The following CLMP variants were observed in gnomAD, a reference collection of about 807,000 sequenced individuals.
The protein encoded by CLMP is CXADR like cell adhesion molecule, also known as CXADR-like membrane protein.
Under a neutral mutation model 45.2 loss-of-function variants are expected in CLMP, and 27 were observed. The ratio of observed to expected loss-of-function variants is 0.60; its 90% CI spans 0.44 to 0.82. The LOEUF (loss-of-function observed/expected upper bound fraction) is 0.82. CLMP is among the 40% of genes least tolerant of loss of function. The pLI, the probability that CLMP is intolerant of heterozygous loss-of-function variation, is 0.00. For synonymous variants in CLMP, 167 were observed against 171.4 expected (o/e 0.97, Z 0.20); for missense variants, 403 against 448.4 (o/e 0.90, Z 0.91).
At chr11:123,173,861 C>T (rs1038335884) in intron 1 of CLMP, among the ~76,000 whole-genome samples, 1 of 152,074 alleles carries the variant, frequency 6.6e-6, no homozygotes, top group Non-Finnish European at 1.5e-5. Flanking sequence ...GTGGGTGGAT[C>T]GCTTGAGCTC....
rs182404694 is a variant in CLMP, at chr11:123,121,163, G to A, written c.29-23211C>T. 1.7e-3 allele frequency among the ~76,000 whole-genome samples: 264 copies of A among 151,192 alleles called. 1 individual carries two copies. The highest frequency in any genetic ancestry group is 3.2e-3 in the Non-Finnish European group (215 of 67,894). Reference sequence around the variant, plus strand: ...AAAAAAAAAGCTGTTTGGATATGCTGAGAATGAGCAGGACTTGTACAGTGG... The same window carrying A: ...AAAAAAAAAGCTGTTTGGATATGCTAAGAATGAGCAGGACTTGTACAGTGG... On this transcript the variant is annotated intron_variant, in intron 1 of 6. Coordinates refer to ENST00000448775, the MANE Select transcript of CLMP (RefSeq NM_024769.5).
intron 1 of CLMP, among the ~76,000 whole-genome samples, chr11:123,132,074 T>C (rs929362432): frequency 2.6e-5 from 4 of 152,226 alleles, no homozygotes; most frequent in Admixed American, 6.5e-5. Flanking sequence ...AGGAAAGTAA[T>C]AATCTTTGCG....
intron 1 of CLMP, among the ~76,000 whole-genome samples, chr11:123,190,009 A>C (rs1861886639): frequency 1.3e-5 from 2 of 151,890 alleles, no homozygotes; most frequent in Non-Finnish European, 2.9e-5. Flanking sequence ...CTCAAAAAAA[A>C]AAAAAAAAAA....
intron 1 of CLMP, among the ~76,000 whole-genome samples, chr11:123,188,434 CTCCTCCTCT>C (rs1218555393): frequency 1.3e-5 from 2 of 149,210 alleles, no homozygotes; most frequent in African/African-American, 5.1e-5. Context: ...CCTCCTCTTC[CTCCTCCTCT>C]TCCTCCTCTT....
chr11:123,101,530 T>C (rs1866060149), intron 1 of CLMP, among the ~76,000 whole-genome samples: 1 of 152,252 alleles, frequency 6.6e-6, no homozygotes, highest in African/African-American at 2.4e-5. Context: ...TGAAGAAGAA[T>C]GGAGCAGGGG....
intron 1 of CLMP, among the ~76,000 whole-genome samples, chr11:123,184,300 G>A (rs1861805148): frequency 6.6e-6 from 1 of 152,092 alleles, no homozygotes. Context: ...TCACCATGTT[G>A]GCCAGGCTGG....
rs925481718 is a variant in CLMP, at chr11:123,195,075, G to A, written c.-135C>T. 5.6e-6 allele frequency: 4 copies of A among 711,954 alleles called. No individual in the cohort carries two copies. Among genetic ancestry groups the A allele is most frequent in the Non-Finnish European group, 7.8e-6 (4 of 511,440 alleles). 44.1% of individuals were successfully genotyped at this position (711,954 alleles called of 1,614,324 possible). A position where few individuals can be genotyped will look rare whatever the true frequency, so the allele number is the denominator to read the frequency against. On this transcript the variant is annotated 5_prime_UTR_variant, in exon 1 of 7. Transcript: ENST00000448775. ...CGCGAGGTGGCTGCAGCCATGTGCCGGGCGGGAGCCGGCCCCGCGCCCCGT... is the reference window on the plus strand; with the variant it reads ...CGCGAGGTGGCTGCAGCCATGTGCCAGGCGGGAGCCGGCCCCGCGCCCCGT...
intron 1 of CLMP, among the ~76,000 whole-genome samples, chr11:123,157,769 G>A (rs980665889): frequency 6.6e-6 from 1 of 150,402 alleles, no homozygotes; most frequent in Non-Finnish European, 1.5e-5. Context: ...GCCCAAAGTG[G>A]AGTTACCGGC....
chr11:123,139,849 A>G (rs976112575), intron 1 of CLMP, among the ~76,000 whole-genome samples: 4 of 151,352 alleles, frequency 2.6e-5, no homozygotes, highest in African/African-American at 9.8e-5. Flanking sequence ...ATAGAATAAA[A>G]TAAAATAAAA....
chr11:123,082,575 A>G (rs1565377295), intron 5 of CLMP, among the ~76,000 whole-genome samples: 1 of 150,888 alleles, frequency 6.6e-6, no homozygotes, highest in Non-Finnish European at 1.5e-5. Context: ...TGCTGGGATT[A>G]CAGGCATGAG....
In CLMP at chr11:123,071,979, T is replaced by G. The variant is rs912884581; in HGVS notation, c.*1495A>C. ...AAATCTTTCCAAGATACAACTAAAATGTTAGCAGGCACTAGCTCAGCCCTC... is the reference window on the plus strand; with the variant it reads ...AAATCTTTCCAAGATACAACTAAAAGGTTAGCAGGCACTAGCTCAGCCCTC... On this transcript the variant is annotated 3_prime_UTR_variant, in exon 7 of 7. Transcript: ENST00000448775. 2 of 152,268 alleles carry G rather than the reference T, an allele frequency of 1.3e-5. No homozygotes were observed. The highest frequency in any genetic ancestry group is 4.8e-5 in the African/African-American group (2 of 41,468). The allele number at this position is 152,268 out of a possible 1,614,324, so 9.4% of individuals were successfully genotyped here.
At chr11:123,178,846 C>T (rs137975436) in intron 1 of CLMP, among the ~76,000 whole-genome samples, 9 of 152,280 alleles carry the variant, frequency 5.9e-5, no homozygotes, top group South Asian at 2.1e-4. Flanking sequence ...CCTCAGTTTA[C>T]GTATTGGTAG....
At chr11:123,099,204 A>C (rs1866026027) in intron 1 of CLMP, among the ~76,000 whole-genome samples, 1 of 152,176 alleles carries the variant, frequency 6.6e-6, no homozygotes, top group Admixed American at 6.6e-5. Context: ...TGGAAACTGC[A>C]CTAAGTTGCC....
intron 1 of CLMP, among the ~76,000 whole-genome samples, chr11:123,118,995 T>G (rs373397649): frequency 1.1e-4 from 2 of 18,408 alleles, no homozygotes; most frequent in African/African-American, 2.2e-4. Flanking sequence ...CTTTCTTTCT[T>G]TCTTTCTCTC....
intron 1 of CLMP, among the ~76,000 whole-genome samples, chr11:123,098,164 T>C (rs1176991545): frequency 6.6e-6 from 1 of 152,160 alleles, no homozygotes; most frequent in Non-Finnish European, 1.5e-5. Context: ...CACCCCAAAT[T>C]ACATCCTACT....
intron 1 of CLMP, among the ~76,000 whole-genome samples, chr11:123,107,018 CAA>C (rs1244006146): frequency 2.4e-5 from 3 of 126,684 alleles, no homozygotes; most frequent in African/African-American, 2.9e-5. Flanking sequence ...GACTCCGTCT[CAA>C]AAAAAAAAAA....
At chr11:123,181,159 A>G (rs938922305) in intron 1 of CLMP, among the ~76,000 whole-genome samples, 1 of 152,204 alleles carries the variant, frequency 6.6e-6, no homozygotes, top group Admixed American at 6.5e-5. Context: ...CTTCCAGTCT[A>G]TCTTCCAGCA....
At position 123,071,138 on chromosome 11, in the gene CLMP, T is replaced by C. The variant is rs1865666887; in HGVS notation, c.*2336A>G. Reference sequence around the variant, plus strand: ...TCTTTCCTCTAACCTGCTCTTCTTTTAAAAAGTATTCTGGGCCGGGCATGG... The same window carrying C: ...TCTTTCCTCTAACCTGCTCTTCTTTCAAAAAGTATTCTGGGCCGGGCATGG... On this transcript the variant is annotated 3_prime_UTR_variant, in exon 7 of 7. Coordinates refer to ENST00000448775, the MANE Select transcript of CLMP (RefSeq NM_024769.5). 1 of 152,176 alleles carries C rather than the reference T, an allele frequency of 6.6e-6. No homozygotes were observed. The highest frequency in any genetic ancestry group is 1.5e-5 in the Non-Finnish European group (1 of 68,038). The allele number at this position is 152,176 out of a possible 1,614,324, so 9.4% of individuals were successfully genotyped here.
intron 1 of CLMP, among the ~76,000 whole-genome samples, chr11:123,172,547 C>A (rs559532740): frequency 6.6e-6 from 1 of 152,324 alleles, no homozygotes; most frequent in Admixed American, 6.5e-5. Context: ...AATGGCACCA[C>A]CTTGGCTCAC....
Sources: allele counts gnomAD v4.1 joint callset (sites outside exome capture counted in the v4.1 genomes callset), GRCh38; gene constraint gnomAD v4.1.1; transcripts MANE v1.5; gene names NCBI Gene and HGNC (gene_info 2026-07-23, HGNC 2026-07-21).